The following CCDC30 variants were observed in gnomAD, a reference collection of about 807,000 sequenced individuals.
CCDC30 encodes the protein coiled-coil domain-containing protein 30.
CCDC30 carries 70 observed loss-of-function variants against 100.2 expected under a neutral mutation model. The observed-to-expected ratio is 0.70, with a 90% confidence interval of 0.58 to 0.85. The LOEUF (loss-of-function observed/expected upper bound fraction) is 0.85. Among genes scored for constraint, CCDC30 ranks in the 40% least tolerant of loss-of-function variants. The pLI is 0.00. For synonymous variants in CCDC30, 233 were observed against 269.5 expected, an observed-to-expected ratio of 0.86 and a Z score of 1.33; for missense variants, 652 against 771.2, an observed-to-expected ratio of 0.85 and a Z score of 1.83.
intron 1 of CCDC30, among the ~76,000 whole-genome samples, chr1:42,466,387 G>C (rs754291010): frequency 6.6e-6 from 1 of 152,232 alleles, no homozygotes; most frequent in Admixed American, 6.5e-5. Context: ...AAAATTCTTT[G>C]TCTCAGTTTG....
At position 42,508,049 on chromosome 1, in the gene CCDC30, C is replaced by T. The variant is rs551317186; in HGVS notation, c.456+9133C>T. The stretch of plus-strand genomic sequence containing the variant: ...TTACACACAACACATATATAGCTAC[C>T]CAGACAGAAGATTTAGCACTTGTAA... On this transcript the variant is annotated intron_variant, in intron 6 of 16. Transcript: ENST00000668663. Among the ~76,000 whole-genome samples the T allele has an allele frequency of 3.3e-5, 5 of 152,134 alleles. No individual in the cohort carries two copies. In the South Asian group the frequency reaches 1.0e-3, roughly 32 times the overall value.
chr1:42,631,398 CA>C (rs1647035540), intron 11 of CCDC30, among the ~76,000 whole-genome samples: 1 of 152,152 alleles, frequency 6.6e-6, no homozygotes, highest in African/African-American at 2.4e-5. Flanking sequence ...CCCTTATGGC[CA>C]CCACTAGGAC....
chr1:42,505,225 G>A (rs530757371), intron 6 of CCDC30, among the ~76,000 whole-genome samples: 8 of 152,196 alleles, frequency 5.3e-5, no homozygotes, highest in South Asian at 4.1e-4. Context: ...AAATTTCTGC[G>A]TTATGAGCAA....
intron 6 of CCDC30, among the ~76,000 whole-genome samples, chr1:42,522,083 A>G (rs1037152716): frequency 1.8e-4 from 28 of 152,178 alleles, no homozygotes; most frequent in African/African-American, 6.3e-4. Context: ...ATTCTCCCAT[A>G]TATTTTAAAT....
At chr1:42,533,252 A>AG (rs1292767189) in intron 6 of CCDC30, among the ~76,000 whole-genome samples, 2 of 152,166 alleles carry the variant, frequency 1.3e-5, no homozygotes, top group African/African-American at 4.8e-5. Context: ...TTTTTAAAAA[A>AG]TAAGGAAAGG....
chr1:42,614,529 G>A (rs1324173031), intron 11 of CCDC30, among the ~76,000 whole-genome samples: 2 of 151,112 alleles, frequency 1.3e-5, no homozygotes, highest in Non-Finnish European at 2.9e-5. Flanking sequence ...GCTTATGCCT[G>A]TAATCCCAGC....
chr1:42,610,438 T>C (rs1209848098), intron 10 of CCDC30, among the ~76,000 whole-genome samples: 1 of 152,034 alleles, frequency 6.6e-6, no homozygotes, highest in Non-Finnish European at 1.5e-5. Context: ...TTTTGTTTTG[T>C]TTTGAGACAG....
intron 13 of CCDC30, among the ~76,000 whole-genome samples, chr1:42,644,049 A>C (rs1647666723): frequency 6.6e-6 from 1 of 152,220 alleles, no homozygotes; most frequent in African/African-American, 2.4e-5. Flanking sequence ...ACAGCCCAGA[A>C]GTTTATTAAC....
chr1:42,545,284 A>G, intron 6 of CCDC30, 126 bp from the exon 9 acceptor site: 1 of 694,950 alleles, frequency 1.4e-6, no homozygotes, highest in Non-Finnish European at 2.2e-6. Context: ...TCAGCCTTCA[A>G]TTAGGATGTC....
intron 1 of CCDC30, among the ~76,000 whole-genome samples, chr1:42,474,821 A>G (rs187626289): frequency 1.3e-5 from 2 of 152,360 alleles, no homozygotes; most frequent in East Asian, 3.9e-4. Context: ...TACTTAATAT[A>G]GTGCCTGGAG....
chr1:42,527,381 G>A (rs1405162477), intron 6 of CCDC30, among the ~76,000 whole-genome samples: 1 of 152,138 alleles, frequency 6.6e-6, no homozygotes, highest in East Asian at 1.9e-4. Flanking sequence ...TCACATCCTA[G>A]CTCTTATCAA....
chr1:42,506,636 A>C (rs1286171633), intron 6 of CCDC30, among the ~76,000 whole-genome samples: 1 of 152,224 alleles, frequency 6.6e-6, no homozygotes, highest in Non-Finnish European at 1.5e-5. Flanking sequence ...CCATGTAATT[A>C]AATATGTCAA....
intron 11 of CCDC30, among the ~76,000 whole-genome samples, chr1:42,628,187 C>G (rs922173649): frequency 3.3e-5 from 5 of 152,192 alleles, no homozygotes; most frequent in African/African-American, 1.2e-4. Context: ...TTAAAATTGA[C>G]TGCCTCACTG....
intron 6 of CCDC30, among the ~76,000 whole-genome samples, chr1:42,541,621 C>CTGTA (rs375163660): frequency 1.3e-5 from 2 of 152,338 alleles, no homozygotes; most frequent in East Asian, 3.9e-4. Flanking sequence ...GATTTCTACA[C>CTGTA]TACAAAGTTA....
At chr1:42,496,959 G>A (rs1211180105) in intron 4 of CCDC30, 139 bp from the exon 5 acceptor site, 2 of 405,998 alleles carry the variant, frequency 4.9e-6, no homozygotes, top group Non-Finnish European at 8.6e-6. Context: ...CCTGCACAGA[G>A]AGCCAGCCAC....
chr1:42,545,158 C>T (rs1473058447), intron 6 of CCDC30, among the ~76,000 whole-genome samples: 5 of 36,786 alleles, frequency 1.4e-4, no homozygotes, highest in Non-Finnish European at 2.3e-4. Context: ...TCCAAAAATA[C>T]CTTTAAAAAA....
chr1:42,465,712 G>T (rs1406632782), intron 1 of CCDC30, among the ~76,000 whole-genome samples: 1 of 152,180 alleles, frequency 6.6e-6, no homozygotes, highest in Non-Finnish European at 1.5e-5. Flanking sequence ...TTTGCCCCCT[G>T]TGAGACATTT....
At chr1:42,494,702 A>AACAG (rs1295364859) in intron 4 of CCDC30, among the ~76,000 whole-genome samples, 2 of 141,398 alleles carry the variant, frequency 1.4e-5, no homozygotes, top group Non-Finnish European at 3.1e-5. Flanking sequence ...GAAGGACATG[A>AACAG]ACAGACACTT....
chr1:42,586,012 G>A (rs1462715057), intron 9 of CCDC30, among the ~76,000 whole-genome samples: 2 of 152,210 alleles, frequency 1.3e-5, no homozygotes, highest in Non-Finnish European at 2.9e-5. Flanking sequence ...AATGAAGTAT[G>A]ATGAAGTGTG....
Sources: allele counts gnomAD v4.1 joint callset (sites outside exome capture counted in the v4.1 genomes callset), GRCh38; gene constraint gnomAD v4.1.1; transcripts MANE v1.5; gene names NCBI Gene and HGNC (gene_info 2026-07-23, HGNC 2026-07-21).